The following HP1BP3 variants were observed in gnomAD, a reference collection of about 807,000 sequenced individuals.
HP1BP3 encodes the protein heterochromatin protein 1-binding protein 3.
A neutral mutation model predicts 62.5 loss-of-function variants in HP1BP3; 12 were observed. That is an observed-to-expected ratio of 0.19 (90% confidence interval 0.12 to 0.31). The LOEUF (loss-of-function observed/expected upper bound fraction) is 0.31. HP1BP3 is among the 10% of genes least tolerant of loss of function. The pLI is 1.00. For synonymous variants in HP1BP3, 260 were observed against 237.8 expected, an observed-to-expected ratio of 1.09 and a Z score of -0.86; for missense variants, 502 against 651.8, an observed-to-expected ratio of 0.77 and a Z score of 2.50.
intron 1 of HP1BP3, among the ~76,000 whole-genome samples, chr1:20,784,475 C>T (rs2057722705): frequency 7.2e-6 from 1 of 139,178 alleles, no homozygotes; most frequent in South Asian, 2.3e-4. Context: ...TTGTGTTTTC[C>T]CTTTTTTTTT....
intron 9 of HP1BP3, among the ~76,000 whole-genome samples, chr1:20,752,687 G>C (rs1411142017): frequency 6.6e-6 from 1 of 152,102 alleles, no homozygotes; most frequent in African/African-American, 2.4e-5. Flanking sequence ...ACAAAAATGT[G>C]GTTATTGTCT....
At chr1:20,783,534 A>G (rs976622635) in intron 1 of HP1BP3, among the ~76,000 whole-genome samples, 4 of 150,594 alleles carry the variant, frequency 2.7e-5, no homozygotes, top group African/African-American at 4.9e-5. Flanking sequence ...ACAAACAACA[A>G]CAATTTAAAA....
rs2055555161 is a variant in HP1BP3, at chr1:20,749,345, T to C, written c.1141+378A>G. On this transcript the variant is annotated intron_variant, in intron 10 of 12. Coordinates refer to ENST00000438032, the MANE Select transcript of HP1BP3 (RefSeq NM_001372052.1). Reference sequence around the variant, plus strand: ...ATTAATAGCATGATCTCTATGATTTTTTTTTCTTTTCTTTTCTTTTCTTTT... The same window carrying C: ...ATTAATAGCATGATCTCTATGATTTCTTTTTCTTTTCTTTTCTTTTCTTTT... Among the ~76,000 whole-genome samples the C allele has an allele frequency of 2.6e-5, 4 of 151,166 alleles. No homozygotes were observed. In the South Asian group the frequency reaches 8.3e-4, roughly 31 times the overall value.
chr1:20,755,610 C>T (rs1416633233), intron 9 of HP1BP3, among the ~76,000 whole-genome samples: 1 of 152,048 alleles, frequency 6.6e-6, no homozygotes, highest in Admixed American at 6.6e-5. Flanking sequence ...CTTATAAACA[C>T]TGCCAGTTTC....
In HP1BP3 at chr1:20,755,068, C is replaced by T. The variant is rs1452015435; in HGVS notation, c.981+2098G>A. Among the ~76,000 whole-genome samples, 8 of 152,182 alleles carry T rather than the reference C, an allele frequency of 5.3e-5. No homozygotes were observed. In the East Asian group the frequency reaches 9.6e-4, roughly 18 times the overall value. ...GTCTAGAGTAATGAATTCTTGTTAA[C>T]GAATAACCAACCCCCTTTTAAAAAT... On this transcript the variant is annotated intron_variant, in intron 9 of 12. Coordinates refer to ENST00000438032, the MANE Select transcript of HP1BP3 (RefSeq NM_001372052.1).
chr1:20,783,769 C>CAAAAAAAAA (rs1164930528), intron 1 of HP1BP3, among the ~76,000 whole-genome samples: 9 of 53,136 alleles, frequency 1.7e-4, no homozygotes, highest in Admixed American at 1.0e-3. Flanking sequence ...GACTCTGTCT[C>CAAAAAAAAA]AAAAAAAAAA....
intron 3 of HP1BP3, among the ~76,000 whole-genome samples, chr1:20,777,341 T>C (rs1306434489): frequency 6.6e-6 from 1 of 152,092 alleles, no homozygotes; most frequent in Admixed American, 6.5e-5. Context: ...GTGGCAAGCA[T>C]ATACTTCAAG....
In HP1BP3 at chr1:20,740,581, A is replaced by G. The variant is rs974277535; in HGVS notation, c.*4216T>C. 3.5e-4 allele frequency among the ~76,000 whole-genome samples: 54 copies of G among 152,222 alleles called. 1 individual carries two copies. Among genetic ancestry groups the G allele is most frequent in the African/African-American group, 1.2e-3 (51 of 41,464 alleles). ...CACGCCTGTAATCCTGGCACTTTGGAAAGCCCAGGTGGGAAGATCACGTGA... is the reference window on the plus strand; with the variant it reads ...CACGCCTGTAATCCTGGCACTTTGGGAAGCCCAGGTGGGAAGATCACGTGA... On this transcript the variant is annotated 3_prime_UTR_variant, in exon 13 of 13. Coordinates refer to ENST00000438032, the MANE Select transcript of HP1BP3 (RefSeq NM_001372052.1).
At position 20,741,265 on chromosome 1, in the gene HP1BP3, GGTGA is replaced by G. The variant is rs1390370788; in HGVS notation, c.*3528_*3531del. Among the ~76,000 whole-genome samples, 1 of 152,162 alleles carries G rather than the reference GGTGA, an allele frequency of 6.6e-6. No homozygotes were observed. Among genetic ancestry groups the G allele is most frequent in the Non-Finnish European group, 1.5e-5 (1 of 68,024 alleles). On this transcript the variant is annotated 3_prime_UTR_variant, in exon 13 of 13. Coordinates refer to ENST00000438032, the MANE Select transcript of HP1BP3 (RefSeq NM_001372052.1). The stretch of plus-strand genomic sequence containing the variant: ...AATGCAGTATTTAATGAACATGGCT[GGTGA>G]GTTTCGTTCTCATGACGTATCAAGA...
intron 11 of HP1BP3, among the ~76,000 whole-genome samples, chr1:20,746,167 T>C (rs1455586538): frequency 6.7e-6 from 1 of 150,272 alleles, no homozygotes; most frequent in Non-Finnish European, 1.5e-5. Context: ...TATCCTTAAA[T>C]GATAACATAC....
chr1:20,772,788 CTT>C (rs924063390), intron 5 of HP1BP3, among the ~76,000 whole-genome samples: 12 of 152,150 alleles, frequency 7.9e-5, no homozygotes, highest in African/African-American at 2.9e-4. Flanking sequence ...AATGAAAAGA[CTT>C]ATACAATAAA....
Position 20,770,787 on chromosome 1 carries a change from T to C in HP1BP3, c.654+143A>G, listed in dbSNP as rs142036561. ...ATTTTCGAAACCTAGCCTCAGATAA[T>C]TCAACTAGGTTAAACTTAAGGAATT... On this transcript the variant is annotated intron_variant, in intron 6 of 12. Coordinates refer to ENST00000438032, the MANE Select transcript of HP1BP3 (RefSeq NM_001372052.1). 4.6e-4 allele frequency: 284 copies of C among 620,364 alleles called. 2 individuals carry two copies. In the East Asian group the frequency reaches 9.0e-3, roughly 20 times the overall value. The allele number at this position is 620,364 out of a possible 1,614,324, so 38.4% of individuals were successfully genotyped here. A position where few individuals can be genotyped will look rare whatever the true frequency, so the allele number is the denominator to read the frequency against.
chr1:20,776,159 T>C, intron 4 of HP1BP3: 1 of 646,616 alleles, frequency 1.5e-6, no homozygotes, highest in East Asian at 2.9e-5. Context: ...TAGGTCACAC[T>C]ACCAATGGCT....
intron 9 of HP1BP3, chr1:20,750,374 CACACAA>C (rs1381086256): frequency 2.6e-4 from 33 of 128,158 alleles, no homozygotes; most frequent in African/African-American, 9.1e-4. Flanking sequence ...CACACACACA[CACACAA>C]AATAGCCAGG....
chr1:20,776,541 T>C, intron 4 of HP1BP3, 56 bp downstream of exon 4: 1 of 1,471,728 alleles, frequency 6.8e-7, no homozygotes, highest in Non-Finnish European at 9.3e-7. Context: ...CAATCTAATC[T>C]AAAGTCCTTT....
intron 9 of HP1BP3, among the ~76,000 whole-genome samples, chr1:20,753,542 G>T (rs931474557): frequency 2.0e-5 from 3 of 152,064 alleles, no homozygotes; most frequent in Non-Finnish European, 4.4e-5. Context: ...GCCAACATTT[G>T]GAAAATCTAT....
At position 20,787,205 on chromosome 1, in the gene HP1BP3, G is replaced by C. The variant is rs1282052477; in HGVS notation, c.-111C>G. On this transcript the variant is annotated 5_prime_UTR_variant, in exon 1 of 13. Transcript: ENST00000438032. ...TCGGTCCTGCGTTACCTCTGCGTTC[G>C]GCCGGTCCTGGCGCCCGCGTCCCGC... The C allele has an allele frequency of 6.6e-6, 1 of 151,904 alleles. No homozygotes were observed. Among genetic ancestry groups the C allele is most frequent in the Non-Finnish European group, 1.5e-5 (1 of 67,932 alleles). 9.4% of individuals were successfully genotyped at this position (151,904 alleles called of 1,614,324 possible).
intron 6 of HP1BP3, 124 bp from the exon 7 acceptor site, chr1:20,767,788 A>C: frequency 3.2e-6 from 2 of 627,982 alleles, no homozygotes; most frequent in Non-Finnish European, 2.7e-6. Flanking sequence ...GAAAAAAAAA[A>C]AAACAGTCAA....
At position 20,769,938 on chromosome 1, in the gene HP1BP3, AAACTT is replaced by A. The variant is rs2056977399; in HGVS notation, c.654+987_654+991del. 2.0e-5 allele frequency among the ~76,000 whole-genome samples: 3 copies of A among 152,316 alleles called. No individual in the cohort carries two copies. The South Asian group carries it at 6.2e-4, about 32-fold the overall frequency. On this transcript the variant is annotated intron_variant, in intron 6 of 12. Transcript: ENST00000438032. ...ATCAAACAGGCAGGGGGTATAGAAA[AAACTT>A]AACAAGACTCTAGGAATGGGGTGAA... is the stretch of plus-strand genomic sequence containing the variant.
Sources: gnomAD v4.1 joint callset for allele counts (sites outside exome capture counted in the v4.1 genomes callset) on GRCh38, gnomAD v4.1.1 for gene constraint, MANE v1.5 for transcripts, NCBI Gene and HGNC (gene_info 2026-07-23, HGNC 2026-07-21) for gene names.